Variants in PRSS23 observed in about 807,000 individuals in gnomAD.
PRSS23 encodes the protein protease, serine 23.
In PRSS23, 25 loss-of-function variants were observed where a neutral mutation model predicts 34.7. That is an observed-to-expected ratio of 0.72 (90% CI 0.53 to 1.01). PRSS23 has a LOEUF of 1.01. Among genes scored for constraint, PRSS23 ranks in the 50% least tolerant of loss-of-function variants. The pLI is 0.00. For synonymous variants in PRSS23, 176 were observed against 186.6 expected (o/e 0.94, Z 0.46); for missense variants, 445 against 475.6 (o/e 0.94, Z 0.60).
intron 2 of PRSS23, among the ~76,000 whole-genome samples, chr11:86,828,885 C>T (rs553717839): frequency 3.3e-5 from 5 of 152,304 alleles, no homozygotes; most frequent in South Asian, 2.1e-4. Context: ...GATGGGCTTC[C>T]GTTTGTGGGT....
At chr11:86,906,392 C>T (rs905746590) in intron 2 of PRSS23, among the ~76,000 whole-genome samples, 1 of 152,224 alleles carries the variant, frequency 6.6e-6, no homozygotes, top group African/African-American at 2.4e-5. Flanking sequence ...TGAGGCTGCG[C>T]CCTCCGCCTG....
At chr11:86,839,390 A>C (rs1948430833) in intron 2 of PRSS23, among the ~76,000 whole-genome samples, 1 of 152,162 alleles carries the variant, frequency 6.6e-6, no homozygotes, top group Admixed American at 6.5e-5. Context: ...AAATAAAGTG[A>C]GAAGAATAGA....
chr11:86,928,705 A>AAAAAAAAATATAT (rs1949101803), intron 2 of PRSS23, among the ~76,000 whole-genome samples: 1 of 51,292 alleles, frequency 1.9e-5, no homozygotes, highest in Non-Finnish European at 4.5e-5. Flanking sequence ...AAAAAAAAAA[A>AAAAAAAAATATAT]ATTGGCAAGA....
intron 2 of PRSS23, among the ~76,000 whole-genome samples, chr11:86,849,853 A>G (rs1218640883): frequency 6.6e-6 from 1 of 152,080 alleles, no homozygotes; most frequent in Non-Finnish European, 1.5e-5. Flanking sequence ...TAGTCACCCT[A>G]CAAAGCCAGC....
intron 2 of PRSS23, among the ~76,000 whole-genome samples, chr11:86,879,739 C>CG (rs1948757958): frequency 7.5e-6 from 1 of 133,090 alleles, no homozygotes. Flanking sequence ...GTCAGCCCCC[C>CG]GCCCGGCCAG....
At position 86,821,869 on chromosome 11, in the gene PRSS23, A is replaced by AT. The variant is rs113318917; in HGVS notation, c.-11-1502dup. On this transcript the variant is annotated intron_variant, in intron 1 of 2. Coordinates refer to the PRSS23 transcript ENST00000533902. ...GATTTAATAAGTAAGAGTACCAATA[A>AT]TTTTTTAGAAGTAAAATGGATGTAT... 3.4e-4 allele frequency: 136 copies of AT among 397,686 alleles called. 1 individual carries two copies. Among genetic ancestry groups the AT allele is most frequent in the Middle Eastern group, 2.4e-3 (4 of 1,642 alleles). The allele number at this position is 397,686 out of a possible 1,614,324, so 24.6% of individuals were successfully genotyped here.
At chr11:86,796,758 T>C (rs1445438484), upstream of PRSS23, among the ~76,000 whole-genome samples, 1 of 152,226 alleles carries the variant, frequency 6.6e-6, no homozygotes, top group Non-Finnish European at 1.5e-5. Context: ...GCTCCCTTAA[T>C]TTATGCATTG....
At chr11:86,952,048 G>A (rs1196907109) in exon 3 of PRSS23, 1 of 1,614,056 alleles carries the variant, frequency 6.2e-7, no homozygotes, top group South Asian at 1.1e-5. Flanking sequence ...TCAGTACTGT[G>A]AAGGCAGTGG....
At chr11:86,906,561 GC>G (rs1429155296) in intron 2 of PRSS23, among the ~76,000 whole-genome samples, 1 of 152,206 alleles carries the variant, frequency 6.6e-6, no homozygotes, top group East Asian at 1.9e-4. Context: ...AAGGAGTTGT[GC>G]CTGATAGTTT....
chr11:86,938,431 C>A, intron 2 of PRSS23, among the ~76,000 whole-genome samples: 1 of 152,030 alleles, frequency 6.6e-6, no homozygotes, highest in East Asian at 1.9e-4. Flanking sequence ...AGAAGGGCCA[C>A]GGAGTGAAAG....
chr11:86,906,796 G>A (rs773511526), intron 2 of PRSS23, among the ~76,000 whole-genome samples: 2 of 152,052 alleles, frequency 1.3e-5, no homozygotes, highest in Non-Finnish European at 2.9e-5. Context: ...AACATTTTAG[G>A]TACGTTATTT....
chr11:86,824,266 A>T (rs1236686129), intron 2 of PRSS23, among the ~76,000 whole-genome samples: 2 of 150,708 alleles, frequency 1.3e-5, no homozygotes, highest in Non-Finnish European at 2.9e-5. Context: ...CAAGATCACA[A>T]CACTGCACTT....
chr11:86,942,123 G>A (rs1949210825), intron 2 of PRSS23, among the ~76,000 whole-genome samples: 1 of 152,206 alleles, frequency 6.6e-6, no homozygotes, highest in Non-Finnish European at 1.5e-5. Context: ...ATCAGTGCAA[G>A]GAAGGCTCCC....
intron 2 of PRSS23, among the ~76,000 whole-genome samples, chr11:86,834,929 G>A (rs549140318): frequency 8.5e-5 from 13 of 152,228 alleles, no homozygotes; most frequent in South Asian, 4.1e-4. Flanking sequence ...CCCGCTTTTC[G>A]AAGTCCTTTT....
At chr11:86,806,408 G>A (rs72969432) in intron 1 of PRSS23, among the ~76,000 whole-genome samples, 13,100 of 152,236 alleles carry the variant, frequency 0.086, 815 homozygotes, top group Non-Finnish European at 0.12. Context: ...CATTTAGAGG[G>A]TAAATTTAAA....
At chr11:86,859,361 G>A (rs1948596430) in intron 2 of PRSS23, among the ~76,000 whole-genome samples, 1 of 151,986 alleles carries the variant, frequency 6.6e-6, no homozygotes, top group African/African-American at 2.4e-5. Flanking sequence ...TGCAGGAGAG[G>A]AGGATATTAC....
At chr11:86,872,593 A>G (rs773636421) in intron 2 of PRSS23, among the ~76,000 whole-genome samples, 18 of 152,188 alleles carry the variant, frequency 1.2e-4, no homozygotes, top group Non-Finnish European at 2.1e-4. Context: ...ATGTTTTTTC[A>G]AACATTATGA....
In PRSS23 at chr11:86,906,745, A is replaced by G. The variant is rs148929608; in HGVS notation, c.207-44471A>G. Among the ~76,000 whole-genome samples, 3 of 152,240 alleles carry G rather than the reference A, an allele frequency of 2.0e-5. No individual in the cohort carries two copies. In the East Asian group the frequency reaches 5.8e-4, roughly 29 times the overall value. On this transcript the variant is annotated intron_variant, in intron 2 of 2. Transcript: ENST00000533902. ...ACTAGCACTAATGACAACAAAAGCA[A>G]TGTCTATTTAGGGAGCGCTTGCCAT...
rs10898563 is a variant in PRSS23, at chr11:86,948,171, A to G, written c.207-3045A>G. The stretch of plus-strand genomic sequence containing the variant: ...TGGGAAAGGGATGAGAGATGTGTTA[A>G]AAGTAGAGAGACCCAGGCTGGGTGT... On this transcript the variant is annotated intron_variant, in intron 2 of 2. Coordinates refer to the PRSS23 transcript ENST00000533902. The G allele has an allele frequency of 0.28, 41,871 of 151,960 alleles. 7,134 individuals are homozygous for G. Among genetic ancestry groups the G allele is most frequent in the Middle Eastern group, 0.42 (125 of 296 alleles). 9.4% of individuals were successfully genotyped at this position (151,960 alleles called of 1,614,324 possible). A position where few individuals can be genotyped will look rare whatever the true frequency, so the allele number is the denominator to read the frequency against.
Sources: gnomAD v4.1 joint callset for allele counts (sites outside exome capture counted in the v4.1 genomes callset) on GRCh38, gnomAD v4.1.1 for gene constraint, MANE v1.5 for transcripts, NCBI Gene and HGNC (gene_info 2026-07-23, HGNC 2026-07-21) for gene names.